MAP7: variants seen among roughly 807,000 people sequenced by gnomAD.
MAP7 encodes ensconsin.
Under a neutral mutation model 94.8 loss-of-function variants are expected in MAP7, and 52 were observed. The observed-to-expected ratio is 0.55, with a 90% CI of 0.44 to 0.69. The LOEUF is 0.69. MAP7 is among the 30% of genes least tolerant of loss of function. MAP7 has a pLI of 0.00. For missense variants in MAP7, 940 were observed against 964.6 expected, an observed-to-expected ratio of 0.97 and a Z score of 0.34; for synonymous variants, 350 against 357.0, an observed-to-expected ratio of 0.98 and a Z score of 0.22.
At chr6:136,350,705 T>C (rs1335163191) in intron 16 of MAP7, among the ~76,000 whole-genome samples, 1 of 152,058 alleles carries the variant, frequency 6.6e-6, no homozygotes, top group African/African-American at 2.4e-5. Flanking sequence ...TATATATGTT[T>C]TAAATTAGCT....
chr6:136,347,799 T>G (rs577150715), intron 16 of MAP7, among the ~76,000 whole-genome samples: 3 of 152,194 alleles, frequency 2.0e-5, no homozygotes, highest in Non-Finnish European at 4.4e-5. Context: ...TTTTTAAAAT[T>G]ATTAAACCTT....
chr6:136,348,030 G>A (rs1013597348), intron 16 of MAP7, among the ~76,000 whole-genome samples: 2 of 137,532 alleles, frequency 1.5e-5, no homozygotes, highest in African/African-American at 5.6e-5. Flanking sequence ...CCCAAGTCAC[G>A]TGTGCACACA....
At chr6:136,524,167 C>T (rs539858970) in intron 1 of MAP7, among the ~76,000 whole-genome samples, 1 of 152,184 alleles carries the variant, frequency 6.6e-6, no homozygotes, top group Non-Finnish European at 1.5e-5. Flanking sequence ...TTGCTTGAAC[C>T]TGGGAGGCAG....
chr6:136,543,232 A>G (rs1829466120), intron 1 of MAP7, among the ~76,000 whole-genome samples: 1 of 152,248 alleles, frequency 6.6e-6, no homozygotes, highest in Admixed American at 6.5e-5. Flanking sequence ...ACCATCTGTG[A>G]TACTTCCATA....
chr6:136,454,289 ATC>A (rs1424406930), intron 1 of MAP7, among the ~76,000 whole-genome samples: 2 of 151,098 alleles, frequency 1.3e-5, no homozygotes, highest in African/African-American at 4.9e-5. Flanking sequence ...CTATCTATCT[ATC>A]TATCTATCTA....
At chr6:136,475,691 G>A (rs1810644546) in intron 1 of MAP7, among the ~76,000 whole-genome samples, 1 of 152,130 alleles carries the variant, frequency 6.6e-6, no homozygotes, top group Non-Finnish European at 1.5e-5. Flanking sequence ...GTTATGAAAG[G>A]TGTATGAGAA....
chr6:136,521,296 T>C (rs546961272), intron 1 of MAP7, among the ~76,000 whole-genome samples: 77 of 152,302 alleles, frequency 5.1e-4, no homozygotes, highest in Non-Finnish European at 9.4e-4. Context: ...TCATGAGAAG[T>C]TTATTTCTAA....
intron 1 of MAP7, among the ~76,000 whole-genome samples, chr6:136,469,048 A>G (rs572205807): frequency 9.6e-4 from 146 of 152,256 alleles, no homozygotes; most frequent in Non-Finnish European, 1.4e-3. Context: ...CTGAATGACA[A>G]CAAGAGAGAA....
chr6:136,447,265 T>G (rs537210844), intron 1 of MAP7, among the ~76,000 whole-genome samples: 1 of 152,354 alleles, frequency 6.6e-6, no homozygotes, highest in East Asian at 1.9e-4. Flanking sequence ...ATAATTGTAT[T>G]TCTTCCAAAT....
intron 3 of MAP7, among the ~76,000 whole-genome samples, chr6:136,411,327 T>G (rs926538513): frequency 2.6e-5 from 4 of 152,176 alleles, no homozygotes; most frequent in African/African-American, 9.7e-5. Context: ...AAGAACAATA[T>G]GTTTACTGTC....
chr6:136,449,290 T>C (rs1205840088), intron 1 of MAP7, among the ~76,000 whole-genome samples: 1 of 144,538 alleles, frequency 6.9e-6, no homozygotes, highest in African/African-American at 2.6e-5. Context: ...GCAAGACTCC[T>C]TCAAACAAAC....
At chr6:136,368,792 T>A (rs1313407724) in intron 8 of MAP7, among the ~76,000 whole-genome samples, 1 of 152,190 alleles carries the variant, frequency 6.6e-6, no homozygotes, top group Admixed American at 6.5e-5. Flanking sequence ...TGTGCAGGGA[T>A]TAGAAGATTT....
intron 1 of MAP7, among the ~76,000 whole-genome samples, chr6:136,549,543 A>G (rs906922100): frequency 6.6e-6 from 1 of 152,140 alleles, no homozygotes; most frequent in Non-Finnish European, 1.5e-5. Context: ...TGGGGACGTG[A>G]TCCCCTGTCC....
chr6:136,503,103 T>G (rs182268370), intron 1 of MAP7, among the ~76,000 whole-genome samples: 1 of 152,334 alleles, frequency 6.6e-6, no homozygotes, highest in Admixed American at 6.5e-5. Flanking sequence ...AAGGACTACA[T>G]GAATAATGGA....
chr6:136,410,010 C>A (rs966581498), intron 3 of MAP7, among the ~76,000 whole-genome samples: 2 of 152,252 alleles, frequency 1.3e-5, no homozygotes, highest in African/African-American at 4.8e-5. Flanking sequence ...AAGTCTTACA[C>A]CTTTATAGTA....
intron 16 of MAP7, among the ~76,000 whole-genome samples, chr6:136,356,125 C>A (rs1033799435): frequency 6.6e-6 from 1 of 152,170 alleles, no homozygotes; most frequent in Non-Finnish European, 1.5e-5. Flanking sequence ...TGGTCCATAT[C>A]AGGCTAAATA....
intron 1 of MAP7, among the ~76,000 whole-genome samples, chr6:136,443,248 C>T (rs954752712): frequency 5.3e-5 from 8 of 151,780 alleles, no homozygotes; most frequent in South Asian, 2.1e-4. Context: ...TTAGGTTTGT[C>T]GTAATTAAAG....
chr6:136,394,611 T>C (rs1489662747), intron 3 of MAP7, among the ~76,000 whole-genome samples: 5 of 152,126 alleles, frequency 3.3e-5, no homozygotes, highest in East Asian at 3.9e-4. Context: ...ATATATCATA[T>C]ATGTAATAAA....
At chr6:136,456,822 G>GGAGGAAGAAGAAGAAGAAGAAGAAGAA (rs1554259491) in intron 1 of MAP7, among the ~76,000 whole-genome samples, 1 of 69,024 alleles carries the variant, frequency 1.4e-5, no homozygotes, top group Non-Finnish European at 2.6e-5. Flanking sequence ...AGAAGAAGAA[G>GGAGGAAGAAGAAGAAGAAGAAGAAGAA]GAAGAAGAAG....
Sources: allele counts gnomAD v4.1 joint callset (sites outside exome capture counted in the v4.1 genomes callset), GRCh38; gene constraint gnomAD v4.1.1; transcripts MANE v1.5; gene names NCBI Gene and HGNC (gene_info 2026-07-23, HGNC 2026-07-21).